Variants in NIM1K observed in about 807,000 individuals in gnomAD.
The protein encoded by NIM1K is NIM1 serine/threonine protein kinase, also known as serine/threonine-protein kinase NIM1.
A neutral mutation model predicts 37.1 loss-of-function variants in NIM1K; 35 were observed. That is an observed-to-expected ratio of 0.94 (90% CI 0.72 to 1.25). NIM1K has a LOEUF of 1.25. Among genes scored for constraint, NIM1K ranks in the 50% most tolerant of loss-of-function variants. The pLI is 0.00. For synonymous variants in NIM1K, 234 were observed against 206.6 expected, an observed-to-expected ratio of 1.13 and a Z score of -1.14; for missense variants, 564 against 548.0, an observed-to-expected ratio of 1.03 and a Z score of -0.29.
At chr5:43,233,137 C>A in intron 1 of NIM1K, 1 of 1,328,476 alleles carries the variant, frequency 7.5e-7, no homozygotes. Context: ...AACCTGGACA[C>A]CAGCCTGGCC....
At chr5:43,279,707 C>A (rs374277030) in intron 3 of NIM1K, among the ~76,000 whole-genome samples, 29 of 152,334 alleles carry the variant, frequency 1.9e-4, no homozygotes, top group East Asian at 1.5e-3. Context: ...TTCATAAGAT[C>A]TGGGTCTGAT....
At chr5:43,204,530 C>T (rs937908755) in intron 1 of NIM1K, among the ~76,000 whole-genome samples, 4 of 148,104 alleles carry the variant, frequency 2.7e-5, no homozygotes, top group South Asian at 2.1e-4. Context: ...GGCAAAATCC[C>T]GTCTCTACTA....
chr5:43,246,798 C>G (rs1043410433), intron 2 of NIM1K, among the ~76,000 whole-genome samples: 25 of 152,164 alleles, frequency 1.6e-4, no homozygotes, highest in Admixed American at 3.3e-4. Context: ...AGCCCAGCAC[C>G]CTTCTGCTGC....
chr5:43,227,190 G>A (rs373465111), intron 1 of NIM1K, among the ~76,000 whole-genome samples: 111 of 152,152 alleles, frequency 7.3e-4, no homozygotes, highest in Non-Finnish European at 1.3e-3. Flanking sequence ...GAGAAACCCT[G>A]TCTCTACTAA....
chr5:43,227,721 T>G (rs1180201525), intron 1 of NIM1K, among the ~76,000 whole-genome samples: 1 of 152,206 alleles, frequency 6.6e-6, no homozygotes. Context: ...TATTATGGGC[T>G]TTTATTATTT....
At chr5:43,194,764 A>G (rs1156886878) in intron 1 of NIM1K, 1 of 151,898 alleles carries the variant, frequency 6.6e-6, no homozygotes, top group Non-Finnish European at 1.5e-5. Flanking sequence ...GTTTTGTTTT[A>G]TTTTCTTTTC....
chr5:43,202,888 A>G (rs1465777792), intron 1 of NIM1K, among the ~76,000 whole-genome samples: 1 of 152,056 alleles, frequency 6.6e-6, no homozygotes, highest in Non-Finnish European at 1.5e-5. Flanking sequence ...AGAGTAGTAG[A>G]CCCTAGAAAG....
intron 1 of NIM1K, chr5:43,207,771 T>C: frequency 4.4e-6 from 2 of 456,120 alleles, no homozygotes; most frequent in South Asian, 3.8e-5. Flanking sequence ...TACTTGGAAT[T>C]GTGGGTATTG....
At chr5:43,207,679 G>T in intron 1 of NIM1K, 1 of 549,188 alleles carries the variant, frequency 1.8e-6, no homozygotes, top group Non-Finnish European at 3.5e-6. Context: ...ATGAAGAACA[G>T]CTGGAGAATT....
At chr5:43,249,546 G>A (rs1196142091) in intron 2 of NIM1K, among the ~76,000 whole-genome samples, 3 of 152,216 alleles carry the variant, frequency 2.0e-5, no homozygotes, top group African/African-American at 7.2e-5. Context: ...AAGGATGGAC[G>A]AAGGCAATGA....
In NIM1K at chr5:43,245,741, C is replaced by T; in HGVS notation, c.-35C>T. 3 of 1,542,202 alleles carry T rather than the reference C, an allele frequency of 1.9e-6. No individual in the cohort carries two copies. The highest frequency in any genetic ancestry group is 2.6e-6 in the Non-Finnish European group (3 of 1,141,468). ...TCTTCTGCTCCTGCACAACCTGCCT[C>T]TTCGCTGAGATGGAGACGTGAGCCC... On this transcript the variant is annotated 5_prime_UTR_variant, in exon 2 of 4. Coordinates refer to ENST00000326035, the MANE Select transcript of NIM1K (RefSeq NM_153361.4).
intron 2 of NIM1K, among the ~76,000 whole-genome samples, chr5:43,256,431 A>G (rs1752947998): frequency 6.6e-6 from 1 of 152,244 alleles, no homozygotes; most frequent in Admixed American, 6.5e-5. Flanking sequence ...ACACAAGAAC[A>G]GTTTACACTG....
At chr5:43,208,606 A>G (rs1752153569) in intron 1 of NIM1K, among the ~76,000 whole-genome samples, 1 of 152,134 alleles carries the variant, frequency 6.6e-6, no homozygotes, top group African/African-American at 2.4e-5. Context: ...TGTCTCAAAA[A>G]AAAGAAAAAA....
At chr5:43,263,814 C>T (rs377526202) in intron 2 of NIM1K, among the ~76,000 whole-genome samples, 81 of 152,226 alleles carry the variant, frequency 5.3e-4, no homozygotes, top group Non-Finnish European at 8.2e-4. Flanking sequence ...GATTCTGGTA[C>T]GTTGTGTCTG....
At chr5:43,227,847 T>A (rs74508065) in intron 1 of NIM1K, among the ~76,000 whole-genome samples, 1 of 152,184 alleles carries the variant, frequency 6.6e-6, no homozygotes, top group South Asian at 2.1e-4. Context: ...CCCCATATTG[T>A]CTAATCCAGG....
In NIM1K at chr5:43,280,649, C is replaced by T; in HGVS notation, c.1231C>T (p.Pro411Ser). 1.2e-6 allele frequency: 2 copies of T among 1,613,842 alleles called. No individual in the cohort carries two copies. Among genetic ancestry groups the T allele is most frequent in the African/African-American group, 2.7e-5 (2 of 74,950 alleles). Residue 411 changes from proline to serine, a missense_variant, in exon 4 of 4, where the codon CCT becomes TCT. Transcript: ENST00000326035. The part of the protein sequence containing the change: ...ESVPVMMLPD[P>S]KERDLKKGSR... ...TGTCCCAGTCATGATGCTACCAGAC[C>T]CTAAAGAAAGAGACCTCAAAAAAGG...
chr5:43,203,807 C>A (rs1301771255), intron 1 of NIM1K, among the ~76,000 whole-genome samples: 1 of 151,954 alleles, frequency 6.6e-6, no homozygotes, highest in African/African-American at 2.4e-5. Context: ...AGGCAGATCA[C>A]CTGAGGTCAG....
chr5:43,203,727 T>C (rs1364569638), intron 1 of NIM1K, among the ~76,000 whole-genome samples: 1 of 152,068 alleles, frequency 6.6e-6, no homozygotes, highest in African/African-American at 2.4e-5. Context: ...CAACTTTCCA[T>C]AAAAAATCCC....
intron 2 of NIM1K, among the ~76,000 whole-genome samples, chr5:43,251,607 C>G (rs551727328): frequency 6.6e-6 from 1 of 152,098 alleles, no homozygotes; most frequent in Non-Finnish European, 1.5e-5. Context: ...GAAGTAGGGC[C>G]GGGTCTTAAG....
Sources: gnomAD v4.1 joint callset for allele counts (sites outside exome capture counted in the v4.1 genomes callset) on GRCh38, gnomAD v4.1.1 for gene constraint, MANE v1.5 for transcripts, NCBI Gene and HGNC (gene_info 2026-07-23, HGNC 2026-07-21) for gene names.